GPR160: variants seen among roughly 807,000 people sequenced by gnomAD.
GPR160 encodes the protein G protein-coupled receptor 160, also known as probable G protein-coupled receptor 160.
Under a neutral mutation model 2.6 loss-of-function variants are expected in GPR160, and 2 were observed. The ratio of observed to expected loss-of-function variants is 0.77; its 90% CI spans 0.32 to 2.44. The LOEUF (loss-of-function observed/expected upper bound fraction) is 2.44. Among genes scored for constraint, GPR160 ranks in the 30% most tolerant of loss-of-function variants. The pLI, the probability that GPR160 is intolerant of heterozygous loss-of-function variation, is 0.11. For synonymous variants in GPR160, 130 were observed against 132.2 expected, an observed-to-expected ratio of 0.98 and a Z score of 0.12; for missense variants, 351 against 383.6, an observed-to-expected ratio of 0.91 and a Z score of 0.71.
chr3:170,044,375 A>T (rs1716604042), intron 2 of GPR160, among the ~76,000 whole-genome samples: 1 of 149,908 alleles, frequency 6.7e-6, no homozygotes, highest in African/African-American at 2.4e-5. Flanking sequence ...TATTCCTTTG[A>T]GGAAATGAGA....
rs570188938 is a variant in GPR160 at position 170,077,634 on chromosome 3, G to C, written c.-192-2140G>C. 10 of 152,386 alleles carry C rather than the reference G, an allele frequency of 6.6e-5. No individual in the cohort carries two copies. In the East Asian group the frequency reaches 1.9e-3, roughly 29 times the overall value. 9.4% of individuals were successfully genotyped at this position (152,386 alleles called of 1,614,324 possible). A position where few individuals can be genotyped will look rare whatever the true frequency, so the allele number is the denominator to read the frequency against. On this transcript the variant is annotated intron_variant, in intron 2 of 3. Coordinates refer to ENST00000355897, the MANE Select transcript of GPR160 (RefSeq NM_014373.3). ...CTTTTGATCATCAGCGCGCATGACTGCTCCCTGAAAGGAAGAACAATAATG... is the reference window on the plus strand; with the variant it reads ...CTTTTGATCATCAGCGCGCATGACTCCTCCCTGAAAGGAAGAACAATAATG...
At chr3:170,066,145 T>C (rs1483652500) in intron 2 of GPR160, among the ~76,000 whole-genome samples, 10 of 124,696 alleles carry the variant, frequency 8.0e-5, no homozygotes, top group East Asian at 4.5e-4. Flanking sequence ...TTTTTTTTTT[T>C]TTTTTTTTTT....
intron 2 of GPR160, among the ~76,000 whole-genome samples, chr3:170,064,680 G>A (rs1052374590): frequency 6.6e-6 from 1 of 151,834 alleles, no homozygotes; most frequent in Admixed American, 6.6e-5. Context: ...CACCGCGCCT[G>A]GCTAATTTTT....
chr3:170,039,474 C>T (rs1274965463), intron 2 of GPR160, among the ~76,000 whole-genome samples: 3 of 152,100 alleles, frequency 2.0e-5, no homozygotes, highest in African/African-American at 7.2e-5. Flanking sequence ...TTTGGGAGGC[C>T]GAGGTGGGTG....
intron 2 of GPR160, among the ~76,000 whole-genome samples, chr3:170,071,443 G>A (rs962288007): frequency 7.9e-5 from 12 of 152,152 alleles, no homozygotes; most frequent in African/African-American, 1.9e-4. Flanking sequence ...ACCAGAAGCC[G>A]AGCAGATGCC....
chr3:170,075,862 C>G (rs1253226482), intron 2 of GPR160, among the ~76,000 whole-genome samples: 1 of 152,180 alleles, frequency 6.6e-6, no homozygotes, highest in Non-Finnish European at 1.5e-5. Context: ...CCTCACTGGC[C>G]TTCCTTATCG....
intron 2 of GPR160, chr3:170,062,747 T>G (rs1464857163): frequency 1.9e-6 from 2 of 1,040,752 alleles, no homozygotes; most frequent in African/African-American, 3.2e-5. Context: ...ATTTCTACCC[T>G]GTCCCAAGGA....
chr3:170,080,438 C>T (rs73030613), intron 3 of GPR160, among the ~76,000 whole-genome samples: 9,568 of 152,092 alleles, frequency 0.063, 997 homozygotes, highest in African/African-American at 0.22. Flanking sequence ...TCTTATTTTT[C>T]TTCTAGCTTT....
chr3:170,061,299 A>AAAC (rs1215365424), intron 2 of GPR160, among the ~76,000 whole-genome samples: 2 of 151,634 alleles, frequency 1.3e-5, no homozygotes, highest in African/African-American at 2.4e-5. Flanking sequence ...GAAAGATAAA[A>AAAC]AACAACAACA....
intron 2 of GPR160, among the ~76,000 whole-genome samples, chr3:170,068,567 C>T (rs1712451638): frequency 6.6e-6 from 1 of 152,168 alleles, no homozygotes; most frequent in Non-Finnish European, 1.5e-5. Flanking sequence ...AACTATTTCT[C>T]TTTTTATTTC....
At chr3:170,070,561 ACAT>A (rs61706891) in intron 2 of GPR160, among the ~76,000 whole-genome samples, 1,772 of 152,318 alleles carry the variant, frequency 0.012, 32 homozygotes, top group African/African-American at 0.04. Flanking sequence ...AAAAAAGTAA[ACAT>A]CACCTCACTT....
rs1559995374 is a variant in GPR160, at chr3:170,084,297, CAT to C, written c.326_327del (p.His109LeufsTer17). 6.2e-7 allele frequency: 1 copy of C among 1,607,504 alleles called. No individual in the cohort carries two copies. Among genetic ancestry groups the C allele is most frequent in the Admixed American group, 1.7e-5 (1 of 59,674 alleles). On this transcript the variant is annotated frameshift_variant, in exon 4 of 4. Transcript: ENST00000355897. LOFTEE classifies it low-confidence loss of function (END_TRUNC). ...QIISFTYGFL[H>X]YPVFLTACID... ...TATTTCCTTTACTTATGGCTTTTTGCATTATCCAGTTTTCCTGACAGCTTGTA... is the reference window on the plus strand; with the variant it reads ...TATTTCCTTTACTTATGGCTTTTTGCTATCCAGTTTTCCTGACAGCTTGTA...
At chr3:170,055,125 A>G (rs1168345737) in intron 2 of GPR160, among the ~76,000 whole-genome samples, 1 of 152,186 alleles carries the variant, frequency 6.6e-6, no homozygotes, top group African/African-American at 2.4e-5. Context: ...ACTGAATAAT[A>G]TTCTACTGTA....
chr3:170,046,354 T>G (rs144473555), intron 2 of GPR160, among the ~76,000 whole-genome samples: 2 of 152,198 alleles, frequency 1.3e-5, no homozygotes, highest in East Asian at 3.9e-4. Context: ...TGGAAAGGAG[T>G]TGGAATCCCC....
rs866006531 is a variant in GPR160 at position 170,073,830 on chromosome 3, T to C, written c.-192-5944T>C. Among the ~76,000 whole-genome samples, 11 of 152,046 alleles carry C rather than the reference T, an allele frequency of 7.2e-5. No homozygotes were observed. In the South Asian group the frequency reaches 1.2e-3, roughly 17 times the overall value. On this transcript the variant is annotated intron_variant, in intron 2 of 3. Coordinates refer to ENST00000355897, the MANE Select transcript of GPR160 (RefSeq NM_014373.3). ...CCATCAATGAAGACATCTGAGCCTA[T>C]ATTTTCTTTGTGGGTAGGTTTTAAA...
At chr3:170,066,625 T>C (rs558332899) in intron 2 of GPR160, among the ~76,000 whole-genome samples, 1 of 152,316 alleles carries the variant, frequency 6.6e-6, no homozygotes, top group South Asian at 2.1e-4. Flanking sequence ...GGTTCTCTAT[T>C]GGCGGACATT....
intron 2 of GPR160, among the ~76,000 whole-genome samples, chr3:170,067,057 T>G (rs1362312843): frequency 2.6e-5 from 4 of 152,206 alleles, no homozygotes; most frequent in African/African-American, 7.2e-5. Flanking sequence ...CAGGCTGGAG[T>G]GCAGTGGTGC....
intron 2 of GPR160, among the ~76,000 whole-genome samples, chr3:170,057,145 T>C (rs1348130228): frequency 6.6e-6 from 1 of 152,096 alleles, no homozygotes; most frequent in African/African-American, 2.4e-5. Flanking sequence ...AAGGTAGTTA[T>C]AATATAAAAA....
At chr3:170,062,438 A>G in intron 2 of GPR160, 1 of 500,230 alleles carries the variant, frequency 2.0e-6, no homozygotes, top group South Asian at 2.0e-5. Flanking sequence ...TCCAGCCTTC[A>G]GGAGGAGAAC....
Sources: gnomAD v4.1 joint callset for allele counts (sites outside exome capture counted in the v4.1 genomes callset) on GRCh38, gnomAD v4.1.1 for gene constraint, MANE v1.5 for transcripts, NCBI Gene and HGNC (gene_info 2026-07-23, HGNC 2026-07-21) for gene names.